DOCK10: variants seen among roughly 807,000 people sequenced by gnomAD.
DOCK10 encodes dedicator of cytokinesis 10.
Under a neutral mutation model 280.1 loss-of-function variants are expected in DOCK10, and 145 were observed. That is an observed-to-expected ratio of 0.52 (90% CI 0.45 to 0.59). The LOEUF (loss-of-function observed/expected upper bound fraction) is 0.59, where lower values mean the gene tolerates loss of function less well. Among genes scored for constraint, DOCK10 ranks in the 20% least tolerant of loss-of-function variants. DOCK10 has a pLI of 0.00. For missense variants in DOCK10, 2,368 were observed against 2,651.7 expected (o/e 0.89, Z 2.35); for synonymous variants, 915 against 942.2 (o/e 0.97, Z 0.53).
At chr2:224,818,749 T>C (rs2050965107) in intron 29 of DOCK10, among the ~76,000 whole-genome samples, 1 of 152,168 alleles carries the variant, frequency 6.6e-6, no homozygotes, top group Admixed American at 6.5e-5. Context: ...TCAATGCTAT[T>C]TACTCCCAAT....
chr2:224,793,515 T>C, intron 45 of DOCK10, 58 bp from the exon 46 acceptor site: 1 of 1,387,930 alleles, frequency 7.2e-7, no homozygotes, highest in East Asian at 2.3e-5. Context: ...TAATTAGGGC[T>C]AATCTTCCAA....
At chr2:224,992,488 GT>G (rs1706156943) in intron 1 of DOCK10, among the ~76,000 whole-genome samples, 1 of 152,234 alleles carries the variant, frequency 6.6e-6, no homozygotes. Flanking sequence ...CAGCTCCAGG[GT>G]TTTGAAAGGA....
Position 224,888,714 on chromosome 2 carries a change from G to GTGTATGTATGTGTGTGAATATA in DOCK10, c.417-2205_417-2184dup, listed in dbSNP as rs1289865408. On this transcript the variant is annotated intron_variant, in intron 4 of 55. Coordinates refer to ENST00000258390, the MANE Select transcript of DOCK10 (RefSeq NM_014689.3). The stretch of plus-strand genomic sequence containing the variant: ...GTGTATGTATATGTGGTGTGAATAT[G>GTGTATGTATGTGTGTGAATATA]TGTATGTATGTGTGTGAATATATGT... Among the ~76,000 whole-genome samples the GTGTATGTATGTGTGTGAATATA allele has an allele frequency of 3.7e-3, 560 of 151,530 alleles. 2 individuals carry two copies. The highest frequency in any genetic ancestry group is 0.013 in the African/African-American group (535 of 41,404).
chr2:225,012,230 C>G (rs1256039296), intron 1 of DOCK10, among the ~76,000 whole-genome samples: 1 of 152,144 alleles, frequency 6.6e-6, no homozygotes, highest in Admixed American at 6.5e-5. Context: ...GCTCTTTGCT[C>G]AGAGGTTTTA....
At chr2:224,897,367 G>A (rs985514057) in intron 3 of DOCK10, among the ~76,000 whole-genome samples, 2 of 152,140 alleles carry the variant, frequency 1.3e-5, no homozygotes, top group Non-Finnish European at 1.5e-5. Flanking sequence ...GGAAAATGGG[G>A]TGTCCATCCC....
intron 10 of DOCK10, 56 bp downstream of exon 10, chr2:224,874,210 T>A (rs1698487249): frequency 6.3e-7 from 1 of 1,581,914 alleles, no homozygotes; most frequent in Admixed American, 1.9e-5. Flanking sequence ...TTCTAAATTA[T>A]AATCCCCAAC....
Position 224,786,109 on chromosome 2 carries a change from T to C in DOCK10, c.5655+913A>G, listed in dbSNP as rs1221662500. ...TACTCGGGAGGCTGAGGCAGGAGAA[T>C]TGCTTGAACCGGGACCCAGGAGGCG... On this transcript the variant is annotated intron_variant, in intron 50 of 55. Transcript: ENST00000258390. This position sits in a 1 kb window ranked among gnomAD's most constrained non-coding sequence, Gnocchi z 4.7. Among the ~76,000 whole-genome samples, 1 of 152,050 alleles carries C rather than the reference T, an allele frequency of 6.6e-6. No homozygotes were observed. The highest frequency in any genetic ancestry group is 1.5e-5 in the Non-Finnish European group (1 of 68,014).
chr2:224,873,093 T>C (rs1574972267), intron 11 of DOCK10, among the ~76,000 whole-genome samples: 1 of 152,190 alleles, frequency 6.6e-6, no homozygotes, highest in East Asian at 1.9e-4. Flanking sequence ...TCCTTTGTCA[T>C]TTCTGATATT....
At chr2:224,961,410 TTC>T (rs142894725) in intron 1 of DOCK10, among the ~76,000 whole-genome samples, 2,155 of 68,580 alleles carry the variant, frequency 0.031, 67 homozygotes, top group Middle Eastern at 0.071. Context: ...CTTTCTTTCT[TTC>T]TCTTTCTTTC....
intron 1 of DOCK10, among the ~76,000 whole-genome samples, chr2:224,956,610 C>T (rs190831962): frequency 1.5e-4 from 17 of 116,454 alleles, no homozygotes; most frequent in African/African-American, 2.8e-4. Context: ...GGCAACAGGG[C>T]GAGACGCTAC....
chr2:224,805,586 C>CAAA lies in DOCK10; in HGVS notation c.3815-60_3815-58dup, dbSNP rs974623664. On this transcript the variant is annotated intron_variant, in intron 34 of 55. Coordinates refer to ENST00000258390, the MANE Select transcript of DOCK10 (RefSeq NM_014689.3). The surrounding 1 kb of genome is among the most constrained non-coding windows in gnomAD (Gnocchi z 4.3). ...AATGAGATGTATGGGCACACACACA[C>CAAA]AAAAGGTTCACATGATGAACCAAAA... 4 of 1,600,800 alleles carry CAAA rather than the reference C, an allele frequency of 2.5e-6. No homozygotes were observed. The African/African-American group carries it at 5.4e-5, about 21-fold the overall frequency.
At chr2:224,980,654 T>TC (rs1368902649) in intron 1 of DOCK10, among the ~76,000 whole-genome samples, 2 of 152,192 alleles carry the variant, frequency 1.3e-5, no homozygotes, top group Non-Finnish European at 2.9e-5. Context: ...CCATCAGACT[T>TC]CTTACATAAA....
intron 50 of DOCK10, among the ~76,000 whole-genome samples, chr2:224,782,510 C>T (rs1423987556): frequency 6.6e-6 from 1 of 152,166 alleles, no homozygotes; most frequent in African/African-American, 2.4e-5. Context: ...ACCTCAGGGA[C>T]ACTTTGGAGG....
intron 50 of DOCK10, among the ~76,000 whole-genome samples, chr2:224,782,361 T>C (rs1691413171): frequency 6.6e-6 from 1 of 152,224 alleles, no homozygotes; most frequent in African/African-American, 2.4e-5. Flanking sequence ...TTTACTTAAT[T>C]AATTCCAGGG....
chr2:224,828,299 T>G (rs1223614775), intron 27 of DOCK10, among the ~76,000 whole-genome samples: 1 of 152,146 alleles, frequency 6.6e-6, no homozygotes, highest in Non-Finnish European at 1.5e-5. Flanking sequence ...TAGAATGCAT[T>G]GACATGGGTG....
At chr2:224,990,510 T>A (rs1706096464) in intron 1 of DOCK10, among the ~76,000 whole-genome samples, 1 of 152,172 alleles carries the variant, frequency 6.6e-6, no homozygotes, top group Non-Finnish European at 1.5e-5. Flanking sequence ...TTCAACAAAT[T>A]CTAATTATTA....
At position 224,823,567 on chromosome 2, in the gene DOCK10, A is replaced by G. The variant is rs951208817; in HGVS notation, c.3117T>C (p.Ile1039=). ...NLVMVLSDHV[I]WKYKDALEET... ...CTTCAAGTGCATCCTTGTATTTCCA[A>G]ATCACATGGTCGGATAGGACCATGA... The change falls in exon 28 of 56, where the codon ATT becomes ATC. Residue 1039 remains isoleucine (I), a synonymous_variant. Coordinates refer to ENST00000258390, the MANE Select transcript of DOCK10 (RefSeq NM_014689.3). The G allele has an allele frequency of 3.7e-6, 6 of 1,608,890 alleles. No individual in the cohort carries two copies. The highest frequency in any genetic ancestry group is 1.7e-4 in the Middle Eastern group (1 of 6,052).
At chr2:224,961,149 G>A (rs1704359030) in intron 1 of DOCK10, among the ~76,000 whole-genome samples, 1 of 152,206 alleles carries the variant, frequency 6.6e-6, no homozygotes, top group South Asian at 2.1e-4. Flanking sequence ...GAAGCCTTGA[G>A]TAGCATCCTC....
intron 47 of DOCK10, among the ~76,000 whole-genome samples, chr2:224,791,363 T>C (rs1020193017): frequency 6.6e-6 from 1 of 151,912 alleles, no homozygotes; most frequent in East Asian, 1.9e-4. Context: ...TGGGTGGACA[T>C]GAGCCATGGG....
Sources: gnomAD v4.1 joint callset for allele counts (sites outside exome capture counted in the v4.1 genomes callset) on GRCh38, gnomAD v4.1.1 for gene constraint, Gnocchi (gnomAD v3.1) non-coding constraint, MANE v1.5 for transcripts, NCBI Gene and HGNC (gene_info 2026-07-23, HGNC 2026-07-21) for gene names.